HAUS8: variants seen among roughly 807,000 people sequenced by gnomAD.
HAUS8 encodes HAUS augmin like complex subunit 8, also known as HAUS augmin-like complex subunit 8.
HAUS8 carries 38 observed loss-of-function variants against 42.9 expected under a neutral mutation model. That is an observed-to-expected ratio of 0.89 (90% CI 0.68 to 1.16). HAUS8 has a LOEUF of 1.16. HAUS8 is among the 50% of genes most tolerant of loss of function. The pLI, the probability that HAUS8 is intolerant of heterozygous loss-of-function variation, is 0.00. For synonymous variants in HAUS8, 199 were observed against 205.8 expected (o/e 0.97, Z 0.28); for missense variants, 494 against 511.6 (o/e 0.97, Z 0.33).
At chr19:17,054,748 C>T (rs1037840201) in intron 9 of HAUS8, among the ~76,000 whole-genome samples, 1 of 151,918 alleles carries the variant, frequency 6.6e-6, no homozygotes, top group Non-Finnish European at 1.5e-5. Context: ...TTGCAGAGAG[C>T]CAGGATTGCA....
chr19:17,075,049 G>A (rs901421548), intron 1 of HAUS8: 1 of 395,328 alleles, frequency 2.5e-6, no homozygotes, highest in South Asian at 3.4e-5. Flanking sequence ...TAAAGACCCA[G>A]GCGCCGATCT....
Position 17,057,476 on chromosome 19 carries a change from G to C in HAUS8, c.645+1073C>G, listed in dbSNP as rs139270713. On this transcript the variant is annotated intron_variant, in intron 8 of 10. Transcript: ENST00000253669. ...TTTTTCAGTATTTCTAGGCTATAAG[G>C]TTCATCTATGAGTTTCTTCAAATTG... 1.7e-3 allele frequency among the ~76,000 whole-genome samples: 265 copies of C among 152,102 alleles called. 2 individuals are homozygous for C. Among genetic ancestry groups the C allele is most frequent in the African/African-American group, 6.2e-3 (256 of 41,474 alleles).
At chr19:17,064,415 C>T (rs941498595) in intron 3 of HAUS8, among the ~76,000 whole-genome samples, 9 of 152,180 alleles carry the variant, frequency 5.9e-5, no homozygotes, top group Admixed American at 5.2e-4. Flanking sequence ...CGAGAAGAGA[C>T]TAAACAGTCT....
In HAUS8 at chr19:17,049,971, C is replaced by CG; in HGVS notation, c.1134dup (p.Ala379ArgfsTer42). 6.3e-7 allele frequency: 1 copy of CG among 1,597,602 alleles called. No homozygotes were observed. Among genetic ancestry groups the CG allele is most frequent in the Admixed American group, 1.8e-5 (1 of 56,994 alleles). On this transcript the variant is annotated frameshift_variant, in exon 11 of 11. Transcript: ENST00000253669. LOFTEE classifies it low-confidence loss of function (END_TRUNC). ...CTTGGGCTGATGAACGTGGCCTGAG[C>CG]GGGGGCTGACGAGGCACCCGGGTTG...
chr19:17,053,183 G>A, intron 9 of HAUS8: 2 of 589,848 alleles, frequency 3.4e-6, no homozygotes, highest in South Asian at 2.0e-5. Context: ...CTATCCAGGA[G>A]GGCATTGGAC....
Position 17,058,675 on chromosome 19 carries a change from C to T in HAUS8, c.519G>A (p.Arg173=), listed in dbSNP as rs2057340660. The T allele has an allele frequency of 2.5e-6, 4 of 1,610,712 alleles. No individual in the cohort carries two copies. Among genetic ancestry groups the T allele is most frequent in the Non-Finnish European group, 8.5e-7 (1 of 1,179,072 alleles). Residue 173 remains arginine, a synonymous_variant, in exon 8 of 11, where the codon AGG becomes AGA. Transcript: ENST00000253669. ...ACATTATTAATAAATTCTTTTCTGCCCTTCTTTCAAACTCAGCAAGATTGT... is the reference window on the plus strand; with the variant it reads ...ACATTATTAATAAATTCTTTTCTGCTCTTCTTTCAAACTCAGCAAGATTGT... ...MENNLAEFER[R]AEKNLLIMCK...
chr19:17,067,645 C>T (rs1015041883), intron 3 of HAUS8, among the ~76,000 whole-genome samples: 1 of 152,138 alleles, frequency 6.6e-6, no homozygotes, highest in Non-Finnish European at 1.5e-5. Flanking sequence ...TTGGCAACAA[C>T]ATGAAAATTT....
chr19:17,055,977 G>A lies in HAUS8; in HGVS notation c.671C>T (p.Ala224Val). The A allele has an allele frequency of 6.2e-7, 1 of 1,614,120 alleles. No individual in the cohort carries two copies. The highest frequency in any genetic ancestry group is 1.1e-5 in the South Asian group (1 of 91,084). The change falls in exon 9 of 11, where the codon GCA becomes GTA. Residue 224 changes from alanine (A) to valine (V), a missense_variant. Ala to Val is a moderately conservative substitution (Grantham distance 64). Transcript: ENST00000253669. ...TTGCTCCTTGAAGCGTGTGGCCACT[G>A]CCTCGAAGGGGCTGAGCATCTCGAT... ...AQIEMLSPFEAVATRFKEQYR... is the reference protein window; with the variant it reads ...AQIEMLSPFEVVATRFKEQYR...
chr19:17,058,531 G>A lies in HAUS8; in HGVS notation c.645+18C>T, dbSNP rs958882527. ...ACAGGGAACACTCACTGGTCACAGAGTGTCACTTACAACTGACCTGGGCAT... is the reference window on the plus strand; with the variant it reads ...ACAGGGAACACTCACTGGTCACAGAATGTCACTTACAACTGACCTGGGCAT... On this transcript the variant is annotated intron_variant, in intron 8 of 10. Coordinates refer to ENST00000253669, the MANE Select transcript of HAUS8 (RefSeq NM_033417.2). The A allele has an allele frequency of 1.3e-6, 2 of 1,573,260 alleles. No homozygotes were observed. Among genetic ancestry groups the A allele is most frequent in the Admixed American group, 1.9e-5 (1 of 51,290 alleles).
In HAUS8 at chr19:17,050,015, G is replaced by A. The variant is rs147610737; in HGVS notation, c.1091C>T (p.Thr364Met). ...CRESGGAPKNTPLSEDDNPGA... is the reference protein window; with the variant it reads ...CRESGGAPKNMPLSEDDNPGA... ...CGGGTTGTCGTCCTCAGACAGGGGC[G>A]TGTTCTTGGGTGCTCCCCCAGATTC... Residue 364 changes from threonine (T) to methionine (M), a missense_variant, in exon 11 of 11, where the codon ACG becomes ATG. Coordinates refer to ENST00000253669, the MANE Select transcript of HAUS8 (RefSeq NM_033417.2). 122 of 1,608,298 alleles carry A rather than the reference G, an allele frequency of 7.6e-5. No homozygotes were observed. In the African/African-American group the frequency reaches 1.3e-3, roughly 17 times the overall value.
chr19:17,060,887 G>T (rs926029736), intron 4 of HAUS8, among the ~76,000 whole-genome samples: 10 of 152,210 alleles, frequency 6.6e-5, no homozygotes, highest in African/African-American at 2.4e-4. Context: ...GATGCCAACA[G>T]ATGGCACGTA....
chr19:17,063,662 TA>T (rs1443560426), intron 3 of HAUS8, among the ~76,000 whole-genome samples: 1 of 152,162 alleles, frequency 6.6e-6, no homozygotes, highest in Non-Finnish European at 1.5e-5. Context: ...GTGGATGCAA[TA>T]AACTGCCCTC....
chr19:17,058,039 G>T (rs965361053), intron 8 of HAUS8, among the ~76,000 whole-genome samples: 1 of 152,256 alleles, frequency 6.6e-6, no homozygotes, highest in Non-Finnish European at 1.5e-5. Context: ...AACCGTAAGA[G>T]AATGAATTCC....
At chr19:17,073,223 G>A (rs368211522) in intron 2 of HAUS8, 51 bp downstream of exon 2, 172 of 1,510,500 alleles carry the variant, frequency 1.1e-4, no homozygotes, top group South Asian at 6.9e-4. Flanking sequence ...CCAAAAGCAC[G>A]TAATGAAAGA....
At chr19:17,059,752 A>G (rs968892365) in intron 5 of HAUS8, 101 bp from the exon 6 acceptor site, 4 of 790,670 alleles carry the variant, frequency 5.1e-6, no homozygotes, top group African/African-American at 1.7e-5. Flanking sequence ...ATGTAACCCC[A>G]TCATAAATTG....
chr19:17,065,181 G>A (rs1047524776), intron 3 of HAUS8, among the ~76,000 whole-genome samples: 4 of 152,220 alleles, frequency 2.6e-5, no homozygotes, highest in Non-Finnish European at 4.4e-5. Flanking sequence ...GAATGTGAAA[G>A]TAACAACTTG....
At chr19:17,071,324 C>T (rs544128900) in intron 2 of HAUS8, among the ~76,000 whole-genome samples, 14 of 152,254 alleles carry the variant, frequency 9.2e-5, no homozygotes, top group Admixed American at 6.5e-4. Flanking sequence ...GCCAAAGGGC[C>T]GGGCTGTCAA....
At chr19:17,070,091 T>C (rs944616624) in intron 2 of HAUS8, among the ~76,000 whole-genome samples, 3 of 149,434 alleles carry the variant, frequency 2.0e-5, no homozygotes, top group Non-Finnish European at 3.0e-5. Context: ...ACTCTCTGCC[T>C]CCCCCCATTT....
intron 1 of HAUS8, chr19:17,075,178 T>C: frequency 1.8e-6 from 1 of 558,340 alleles, no homozygotes; most frequent in East Asian, 3.0e-5. Flanking sequence ...TCGCCCAGCG[T>C]CCCAGCCGAG....
Sources: allele counts gnomAD v4.1 joint callset (sites outside exome capture counted in the v4.1 genomes callset), GRCh38; gene constraint gnomAD v4.1.1; transcripts MANE v1.5; gene names NCBI Gene and HGNC (gene_info 2026-07-23, HGNC 2026-07-21).